The following IL10RA variants were observed in gnomAD, a reference collection of about 807,000 sequenced individuals.
The protein encoded by IL10RA is interleukin-10 receptor subunit alpha.
IL10RA carries 18 observed loss-of-function variants against 29.6 expected under a neutral mutation model. That is an observed-to-expected ratio of 0.61 (90% confidence interval 0.42 to 0.90). The LOEUF is 0.90. IL10RA is among the 40% of genes least tolerant of loss of function. The pLI is 0.00. For synonymous variants in IL10RA, 292 were observed against 294.1 expected (o/e 0.99, Z 0.07); for missense variants, 634 against 716.6 (o/e 0.88, Z 1.32).
chr11:118,000,074 G>C lies in IL10RA; in HGVS notation c.*433G>C, dbSNP rs968349386. The C allele has an allele frequency of 8.7e-6, 4 of 459,020 alleles. No individual in the cohort carries two copies. The highest frequency in any genetic ancestry group is 8.0e-5 in the African/African-American group (4 of 50,190). 28.4% of individuals were successfully genotyped at this position (459,020 alleles called of 1,614,324 possible). ...ACTCGAGCATCAGAGCTTCCAGCAG[G>C]AGGAAGGGCTGTAGGAATGGAAGCT... On this transcript the variant is annotated 3_prime_UTR_variant, in exon 7 of 7. Coordinates refer to ENST00000227752, the MANE Select transcript of IL10RA (RefSeq NM_001558.4).
rs1426187484 is a variant in IL10RA at position 117,999,725 on chromosome 11, G to A, written c.*84G>A. The A allele has an allele frequency of 1.6e-6, 2 of 1,271,916 alleles. No individual in the cohort carries two copies. The highest frequency in any genetic ancestry group is 2.3e-6 in the Non-Finnish European group (2 of 882,646). 78.8% of individuals were successfully genotyped at this position (1,271,916 alleles called of 1,614,324 possible). A position where few individuals can be genotyped will look rare whatever the true frequency, so the allele number is the denominator to read the frequency against. ...AGGAGGGCCCCTGGGGCAGAAGTTA[G>A]GCACGAGGCAGTCTGGGCACTTTTC... On this transcript the variant is annotated 3_prime_UTR_variant, in exon 7 of 7. Transcript: ENST00000227752.
At chr11:117,992,106 T>C (rs2058026396) in intron 3 of IL10RA, among the ~76,000 whole-genome samples, 1 of 152,202 alleles carries the variant, frequency 6.6e-6, no homozygotes. Context: ...AACCCATTCA[T>C]CCATTGGTGG....
chr11:117,991,821 G>A (rs970314527), intron 3 of IL10RA, among the ~76,000 whole-genome samples: 8 of 151,892 alleles, frequency 5.3e-5, no homozygotes, highest in East Asian at 1.9e-4. Flanking sequence ...TTCAACCTCC[G>A]CCTCCCGAGT....
intron 1 of IL10RA, chr11:117,987,101 C>T (rs1784980472): frequency 5.7e-6 from 2 of 348,032 alleles, no homozygotes; most frequent in Admixed American, 7.6e-5. Context: ...CCAGACAGTT[C>T]TCCGGCAAGG....
intron 6 of IL10RA, among the ~76,000 whole-genome samples, chr11:117,995,986 A>G (rs562698610): frequency 1.3e-5 from 2 of 152,252 alleles, no homozygotes; most frequent in African/African-American, 4.8e-5. Flanking sequence ...GATATGATCT[A>G]CTAGTAGTTG....
In IL10RA at chr11:117,989,008, G is replaced by A. The variant is rs1423584610; in HGVS notation, c.189-434G>A. Among the ~76,000 whole-genome samples the A allele has an allele frequency of 2.0e-5, 3 of 152,160 alleles. No individual in the cohort carries two copies. Among genetic ancestry groups the A allele is most frequent in the African/African-American group, 4.8e-5 (2 of 41,450 alleles). Reference sequence around the variant, plus strand: ...ACTCCTGACTTCAGGTGATCCACCCGCCTCAGCCTCCCAAAGGGCTGGGAT... The same window carrying A: ...ACTCCTGACTTCAGGTGATCCACCCACCTCAGCCTCCCAAAGGGCTGGGAT... On this transcript the variant is annotated intron_variant, in intron 2 of 6. Coordinates refer to ENST00000227752, the MANE Select transcript of IL10RA (RefSeq NM_001558.4). This position sits in a 1 kb window ranked among gnomAD's most constrained non-coding sequence, Gnocchi z 4.5.
At chr11:117,994,259 C>T (rs1315758087) in intron 5 of IL10RA, 110 bp downstream of exon 5, 2 of 855,004 alleles carry the variant, frequency 2.3e-6, no homozygotes. Flanking sequence ...TTAGGTGCTG[C>T]TTCACATAGC....
intron 3 of IL10RA, among the ~76,000 whole-genome samples, chr11:117,990,486 T>C (rs1320929663): frequency 6.6e-6 from 1 of 152,322 alleles, no homozygotes; most frequent in East Asian, 1.9e-4. Context: ...GGTATTTGTT[T>C]GTTACATGTG....
Position 117,998,750 on chromosome 11 carries a change from C to A in IL10RA, c.846C>A (p.Ser282Arg), listed in dbSNP as rs2058071721. Reference sequence around the variant, plus strand: ...AGCCCAGCCCCTTCATCTTCATCAGCCAGCGTCCCTCCCCAGAGACCCAAG... The same window carrying A: ...AGCCCAGCCCCTTCATCTTCATCAGACAGCGTCCCTCCCCAGAGACCCAAG... ...FKKPSPFIFISQRPSPETQDT... is the reference protein window; with the variant it reads ...FKKPSPFIFIRQRPSPETQDT... Residue 282 changes from serine to arginine, a missense_variant, in exon 7 of 7, where the codon AGC (serine) becomes AGA (arginine). Coordinates refer to ENST00000227752, the MANE Select transcript of IL10RA (RefSeq NM_001558.4). 1.2e-6 allele frequency: 2 copies of A among 1,614,176 alleles called. No homozygotes were observed. The highest frequency in any genetic ancestry group is 1.7e-6 in the Non-Finnish European group (2 of 1,180,038).
Position 117,986,529 on chromosome 11 carries a change from C to T in IL10RA, c.62C>T (p.Ala21Val), listed in dbSNP as rs1288585880. 3 of 1,554,402 alleles carry T rather than the reference C, an allele frequency of 1.9e-6. No homozygotes were observed. Among genetic ancestry groups the T allele is most frequent in the Admixed American group, 1.9e-5 (1 of 51,610 alleles). The change falls in exon 1 of 7, where the codon GCT (alanine) becomes GTT (valine). Residue 21 changes from alanine (A) to valine (V), a missense_variant. Coordinates refer to ENST00000227752, the MANE Select transcript of IL10RA (RefSeq NM_001558.4). Reference sequence around the variant, plus strand: ...CTCAGCCTCCGTCTTGGCTCAGACGCTCATGGTAAGGCTCCGGGACGCGGC... The same window carrying T: ...CTCAGCCTCCGTCTTGGCTCAGACGTTCATGGTAAGGCTCCGGGACGCGGC... ...ALLSLRLGSD[A>V]HGTELPSPPS... is the part of the protein sequence containing the mutation.
At chr11:117,993,156 T>C in intron 3 of IL10RA, 85 bp from the exon 4 acceptor site, 5 of 1,269,106 alleles carry the variant, frequency 3.9e-6, no homozygotes, top group Non-Finnish European at 4.6e-6. Flanking sequence ...AGCTTAATTC[T>C]GGAGGCAAAG....
At chr11:117,991,984 CT>C (rs2058025505) in intron 3 of IL10RA, among the ~76,000 whole-genome samples, 1 of 152,200 alleles carries the variant, frequency 6.6e-6, no homozygotes, top group South Asian at 2.1e-4. Context: ...ATCCACCCGC[CT>C]AAGCCTCCCA....
chr11:117,994,139 C>T lies in IL10RA; in HGVS notation c.678C>T (p.Leu226=), dbSNP rs1357306670. 4.3e-6 allele frequency: 7 copies of T among 1,613,920 alleles called. No homozygotes were observed. The African/African-American group carries it at 9.3e-5, about 22-fold the overall frequency. ...GGTCTAAAGAGGAGTGCATCTCCCT[C>T]ACCAGGCAGTGTGAGTCAGCTGGGC... ...GMWSKEECIS[L]TRQYFTVTNV... is the part of the protein sequence containing the mutation. Residue 226 remains leucine (L), a synonymous_variant, in exon 5 of 7, where the codon CTC becomes CTT. Transcript: ENST00000227752.
intron 6 of IL10RA, among the ~76,000 whole-genome samples, chr11:117,996,941 A>G (rs1488367003): frequency 6.6e-6 from 1 of 152,214 alleles, no homozygotes; most frequent in African/African-American, 2.4e-5. Context: ...TCTCTTCAGG[A>G]TAAATATAGC....
intron 6 of IL10RA, among the ~76,000 whole-genome samples, chr11:117,996,154 T>G (rs4252277): frequency 0.037 from 5,650 of 152,186 alleles, 352 homozygotes; most frequent in African/African-American, 0.13. Context: ...CCTACTGCTA[T>G]TAGCCATGGG....
downstream of IL10RA, chr11:118,002,223 C>T (rs1188928308): frequency 2.0e-5 from 3 of 152,256 alleles, no homozygotes; most frequent in Non-Finnish European, 4.4e-5. Flanking sequence ...AGGCCCGCGG[C>T]CTGAGCTTCC....
At position 117,989,660 on chromosome 11, in the gene IL10RA, C is replaced by T. The variant is rs768607501; in HGVS notation, c.367+40C>T. 1.3e-6 allele frequency: 2 copies of T among 1,590,720 alleles called. No individual in the cohort carries two copies. The highest frequency in any genetic ancestry group is 4.5e-5 in the East Asian group (2 of 44,704). On this transcript the variant is annotated intron_variant, in intron 3 of 6. Transcript: ENST00000227752. The surrounding 1 kb of genome is among the most constrained non-coding windows in gnomAD (Gnocchi z 4.5). ...TTGACTTAGAACATGGCTCTGAAGT[C>T]CCTTCCAGCCAGGAACTCTAGTCTA...
At chr11:117,992,401 AGTGGTATCTCATT>A in intron 3 of IL10RA, among the ~76,000 whole-genome samples, 1 of 152,240 alleles carries the variant, frequency 6.6e-6, no homozygotes, top group South Asian at 2.1e-4. Context: ...ACAGGTGTGG[AGTGGTATCTCATT>A]GTGGTTTTAA....
intron 4 of IL10RA, among the ~76,000 whole-genome samples, chr11:117,993,621 C>G (rs966078219): frequency 1.3e-5 from 2 of 152,172 alleles, no homozygotes; most frequent in African/African-American, 2.4e-5. Flanking sequence ...CCTACTAGGG[C>G]AATTGGGCAC....
Sources: allele counts gnomAD v4.1 joint callset (sites outside exome capture counted in the v4.1 genomes callset), GRCh38; gene constraint gnomAD v4.1.1; non-coding constraint Gnocchi (gnomAD v3.1); transcripts MANE v1.5; gene names NCBI Gene and HGNC (gene_info 2026-07-23, HGNC 2026-07-21).